SPEF2: variants seen among roughly 807,000 people sequenced by gnomAD.
SPEF2 encodes sperm flagellar and cilia associated 2, also known as sperm flagella and cilia-associated protein 2.
SPEF2 carries 187 observed loss-of-function variants against 224.6 expected under a neutral mutation model. The observed-to-expected ratio is 0.83, with a 90% CI of 0.74 to 0.94. The LOEUF is 0.94. Among genes scored for constraint, SPEF2 ranks in the 40% least tolerant of loss-of-function variants. The pLI, the probability that SPEF2 is intolerant of heterozygous loss-of-function variation, is 0.00. For missense variants in SPEF2, 2,170 were observed against 2,135.6 expected (o/e 1.02, Z -0.32); for synonymous variants, 715 against 707.3 (o/e 1.01, Z -0.17).
At chr5:35,812,752 G>T (rs934385738) in intron 36 of SPEF2, among the ~76,000 whole-genome samples, 1 of 152,138 alleles carries the variant, frequency 6.6e-6, no homozygotes, top group Non-Finnish European at 1.5e-5. Context: ...AATATCACCA[G>T]AAAATATCTT....
At chr5:35,743,450 T>C (rs1747996698) in intron 23 of SPEF2, among the ~76,000 whole-genome samples, 1 of 152,122 alleles carries the variant, frequency 6.6e-6, no homozygotes, top group South Asian at 2.1e-4. Flanking sequence ...AAATTTCTAC[T>C]TGGAAGGTTC....
intron 10 of SPEF2, among the ~76,000 whole-genome samples, chr5:35,683,340 G>A (rs868321731): frequency 6.6e-6 from 1 of 152,208 alleles, no homozygotes; most frequent in South Asian, 2.1e-4. Flanking sequence ...AACAGTGCTA[G>A]TGGGCCGGGT....
intron 4 of SPEF2, 94 bp from the exon 5 acceptor site, chr5:35,646,573 A>G: frequency 1.6e-6 from 2 of 1,274,906 alleles, no homozygotes; most frequent in East Asian, 4.8e-5. Context: ...TGAAATTTTC[A>G]ATAGATAAAT....
At chr5:35,791,342 T>G (rs986701908) in intron 30 of SPEF2, among the ~76,000 whole-genome samples, 4 of 152,220 alleles carry the variant, frequency 2.6e-5, no homozygotes, top group Non-Finnish European at 5.9e-5. Flanking sequence ...AAATTGTGTA[T>G]TTGATTCGAA....
At chr5:35,691,862 C>T (rs1327293522) in intron 11 of SPEF2, among the ~76,000 whole-genome samples, 1 of 152,006 alleles carries the variant, frequency 6.6e-6, no homozygotes, top group Non-Finnish European at 1.5e-5. Context: ...TGCAGTGGCA[C>T]AATCTCGGCC....
chr5:35,715,816 C>CCTTTT (rs70973054), intron 20 of SPEF2, among the ~76,000 whole-genome samples: 7,450 of 117,710 alleles, frequency 0.063, 806 homozygotes, highest in African/African-American at 0.067. Context: ...GATATAATTT[C>CCTTTT]TTTTTTTTTT....
At chr5:35,741,726 T>C (rs1483140855) in intron 23 of SPEF2, among the ~76,000 whole-genome samples, 3 of 152,222 alleles carry the variant, frequency 2.0e-5, no homozygotes, top group Non-Finnish European at 4.4e-5. Flanking sequence ...TTTAACCCAA[T>C]AGGTATTCAA....
chr5:35,776,514 T>C lies in SPEF2; in HGVS notation c.4217+119T>C. The C allele has an allele frequency of 2.7e-6, 3 of 1,099,880 alleles. No individual in the cohort carries two copies. The South Asian group carries it at 4.9e-5, about 18-fold the overall frequency. The allele number at this position is 1,099,880 out of a possible 1,614,324, so 68.1% of individuals were successfully genotyped here. A position where few individuals can be genotyped will look rare whatever the true frequency, so the allele number is the denominator to read the frequency against. ...GTTACAAATATAAATTTTGGCCTTT[T>C]AGGAAATCACGTGTATAAACAGATA... On this transcript the variant is annotated intron_variant, in intron 29 of 36. Transcript: ENST00000356031.
chr5:35,728,398 G>C (rs952884901), intron 21 of SPEF2, among the ~76,000 whole-genome samples: 15 of 152,174 alleles, frequency 9.9e-5, no homozygotes, highest in Non-Finnish European at 4.4e-5. Context: ...TAGTTGGCTT[G>C]ACAGATGAAT....
intron 15 of SPEF2, 155 bp from the exon 16 acceptor site, chr5:35,700,341 C>A: frequency 1.5e-6 from 1 of 680,544 alleles, no homozygotes; most frequent in Non-Finnish European, 2.4e-6. Flanking sequence ...GTGATTGTGG[C>A]ACATCAGTAA....
At chr5:35,745,952 C>G (rs1416400108) in intron 23 of SPEF2, among the ~76,000 whole-genome samples, 1 of 152,206 alleles carries the variant, frequency 6.6e-6, no homozygotes, top group Non-Finnish European at 1.5e-5. Context: ...AGAACAGGCA[C>G]TGGTATCCAT....
chr5:35,722,412 T>G (rs1743859099), intron 20 of SPEF2, among the ~76,000 whole-genome samples: 1 of 151,554 alleles, frequency 6.6e-6, no homozygotes, highest in African/African-American at 2.4e-5. Context: ...TCCCCCACCC[T>G]CAGAAGTCCA....
chr5:35,764,553 A>G (rs1751819942), intron 26 of SPEF2: 4 of 456,160 alleles, frequency 8.8e-6, no homozygotes, highest in Non-Finnish European at 1.8e-5. Context: ...TCCTGGGTCT[A>G]CCAAGATGTC....
intron 33 of SPEF2, among the ~76,000 whole-genome samples, chr5:35,796,906 G>T (rs996760932): frequency 1.3e-5 from 2 of 152,194 alleles, no homozygotes; most frequent in African/African-American, 4.8e-5. Context: ...AAGGTTGGCA[G>T]TTGCAGGGGC....
At chr5:35,670,261 AT>A in intron 10 of SPEF2, 34 bp downstream of exon 10, 6 of 1,546,138 alleles carry the variant, frequency 3.9e-6, no homozygotes, top group Non-Finnish European at 5.2e-6. Context: ...AGAATGCTAC[AT>A]AATAAATCCT....
chr5:35,731,737 T>G (rs1305303801), intron 21 of SPEF2, among the ~76,000 whole-genome samples: 1 of 152,170 alleles, frequency 6.6e-6, no homozygotes, highest in Admixed American at 6.5e-5. Context: ...GAATACTGCC[T>G]TGGCTACTGA....
intron 26 of SPEF2, among the ~76,000 whole-genome samples, chr5:35,771,177 A>G (rs28756345): frequency 0.026 from 3,975 of 152,224 alleles, 183 homozygotes; most frequent in African/African-American, 0.092. Flanking sequence ...AAAACTCTGT[A>G]GGGGATCAGT....
chr5:35,709,457 A>T, intron 19 of SPEF2: 1 of 1,029,332 alleles, frequency 9.7e-7, no homozygotes, highest in South Asian at 4.3e-5. Context: ...TGAACTATAG[A>T]GTTACATTTA....
chr5:35,746,688 C>A lies in SPEF2; in HGVS notation c.3330+6421C>A, dbSNP rs1435663347. On this transcript the variant is annotated intron_variant, in intron 23 of 36. Transcript: ENST00000356031. ...TCTGGGATTATGTTAAATGACCAAACCGAACAATAATTGGTGTTCCTGAGG... is the reference window on the plus strand; with the variant it reads ...TCTGGGATTATGTTAAATGACCAAAACGAACAATAATTGGTGTTCCTGAGG... Among the ~76,000 whole-genome samples, 6 of 152,046 alleles carry A rather than the reference C, an allele frequency of 3.9e-5. No individual in the cohort carries two copies. The East Asian group carries it at 9.7e-4, about 24-fold the overall frequency.
Sources: gnomAD v4.1 joint callset for allele counts (sites outside exome capture counted in the v4.1 genomes callset) on GRCh38, gnomAD v4.1.1 for gene constraint, MANE v1.5 for transcripts, NCBI Gene and HGNC (gene_info 2026-07-23, HGNC 2026-07-21) for gene names.